Variants in CSPP1 observed in about 807,000 individuals in gnomAD.
The protein encoded by CSPP1 is centrosome and spindle pole-associated protein 1.
A neutral mutation model predicts 164.4 loss-of-function variants in CSPP1; 126 were observed. The observed-to-expected ratio is 0.77, with a 90% confidence interval of 0.66 to 0.89. CSPP1 has a LOEUF of 0.89. CSPP1 is among the 40% of genes least tolerant of loss of function. CSPP1 has a pLI of 0.00. For synonymous variants in CSPP1, 472 were observed against 476.7 expected (o/e 0.99, Z 0.13); for missense variants, 1,395 against 1,449.8 (o/e 0.96, Z 0.61).
chr8:67,110,277 C>T (rs1468093749), intron 9 of CSPP1, among the ~76,000 whole-genome samples: 2 of 151,724 alleles, frequency 1.3e-5, no homozygotes, highest in Non-Finnish European at 2.9e-5. Flanking sequence ...CTTTCCTTCT[C>T]CCTCACTAAA....
intron 10 of CSPP1, among the ~76,000 whole-genome samples, chr8:67,112,609 C>T (rs112972265): frequency 0.024 from 3,625 of 152,238 alleles, 163 homozygotes; most frequent in African/African-American, 0.082. Context: ...GAGGCCCCCT[C>T]CTTCTTTCTA....
chr8:67,145,030 T>C (rs1265859013), intron 17 of CSPP1, among the ~76,000 whole-genome samples: 3 of 146,188 alleles, frequency 2.1e-5, no homozygotes, highest in Non-Finnish European at 4.5e-5. Context: ...CAAGATTGCG[T>C]CACTGCCAGA....
intron 3 of CSPP1, among the ~76,000 whole-genome samples, chr8:67,078,604 G>A (rs543788568): frequency 1.3e-4 from 20 of 151,998 alleles, no homozygotes; most frequent in Non-Finnish European, 2.6e-4. Context: ...CAAGCCATCC[G>A]CCTGCCTCGG....
At chr8:67,071,022 G>A (rs917740630) in intron 1 of CSPP1, among the ~76,000 whole-genome samples, 40 of 152,142 alleles carry the variant, frequency 2.6e-4, no homozygotes, top group African/African-American at 9.4e-4. Context: ...CAGAGTGCTG[G>A]GATTACAAGT....
chr8:67,123,794 G>C (rs1368412163), intron 15 of CSPP1, among the ~76,000 whole-genome samples: 1 of 151,342 alleles, frequency 6.6e-6, no homozygotes, highest in East Asian at 1.9e-4. Context: ...TGTATTTTTT[G>C]TAGAGATAGG....
intron 30 of CSPP1, 133 bp downstream of exon 30, chr8:67,193,735 CAT>C (rs1354703074): frequency 1.5e-6 from 1 of 661,834 alleles, no homozygotes; most frequent in African/African-American, 1.8e-5. Flanking sequence ...TGGCCCAAGA[CAT>C]AGTAACTATT....
chr8:67,193,010 G>A (rs1204398986), intron 29 of CSPP1, among the ~76,000 whole-genome samples: 1 of 152,194 alleles, frequency 6.6e-6, no homozygotes, highest in Non-Finnish European at 1.5e-5. Context: ...AGAGTCATCT[G>A]AGCTTGCATG....
rs1490367418 is a variant in CSPP1 at position 67,089,896 on chromosome 8, C to T, written c.304-1907C>T. Among the ~76,000 whole-genome samples the T allele has an allele frequency of 2.6e-5, 4 of 151,600 alleles. No homozygotes were observed. In the East Asian group the frequency reaches 5.8e-4, roughly 22 times the overall value. On this transcript the variant is annotated intron_variant, in intron 4 of 30. Transcript: ENST00000678616. ...CTTGAACTCTTGGGCTCAAGTGTCCCTCCTGCCTTGGCCTCCCAAAGTGCT... is the reference window on the plus strand; with the variant it reads ...CTTGAACTCTTGGGCTCAAGTGTCCTTCCTGCCTTGGCCTCCCAAAGTGCT...
intron 17 of CSPP1, among the ~76,000 whole-genome samples, chr8:67,145,609 C>T (rs889801424): frequency 1.3e-5 from 2 of 151,640 alleles, no homozygotes; most frequent in Admixed American, 1.3e-4. Flanking sequence ...CTGCAACCTC[C>T]GCCTCCCGGG....
chr8:67,168,409 C>T (rs1281118956), intron 24 of CSPP1, among the ~76,000 whole-genome samples: 3 of 152,072 alleles, frequency 2.0e-5, no homozygotes, highest in Non-Finnish European at 4.4e-5. Context: ...ATTCTTTTGG[C>T]AAGCCAATAT....
intron 28 of CSPP1, among the ~76,000 whole-genome samples, chr8:67,189,574 TATCA>T (rs1296278471): frequency 2.6e-5 from 4 of 152,238 alleles, no homozygotes; most frequent in African/African-American, 9.6e-5. Flanking sequence ...AAAATCTGAA[TATCA>T]ATTATATGTT....
chr8:67,078,974 T>TA (rs539954750), intron 3 of CSPP1, among the ~76,000 whole-genome samples: 32 of 150,556 alleles, frequency 2.1e-4, no homozygotes, highest in African/African-American at 6.6e-4. Flanking sequence ...TCCATCTCAA[T>TA]AAAAAAAAAG....
chr8:67,190,881 A>C, intron 29 of CSPP1, 122 bp downstream of exon 29: 1 of 701,808 alleles, frequency 1.4e-6, no homozygotes, highest in Non-Finnish European at 2.5e-6. Context: ...CATGGGTCTG[A>C]ATCTAGGCTC....
At chr8:67,168,923 G>A (rs1829993736) in intron 24 of CSPP1, among the ~76,000 whole-genome samples, 1 of 152,170 alleles carries the variant, frequency 6.6e-6, no homozygotes, top group Non-Finnish European at 1.5e-5. Context: ...TTGCATTATA[G>A]TAAATCTCCA....
At chr8:67,130,834 G>A (rs1223951723) in intron 15 of CSPP1, among the ~76,000 whole-genome samples, 1 of 151,636 alleles carries the variant, frequency 6.6e-6, no homozygotes, top group East Asian at 2.0e-4. Context: ...CTAAAAATAC[G>A]AAAATTAGCC....
chr8:67,146,122 CTTTT>C (rs939978795), intron 17 of CSPP1, among the ~76,000 whole-genome samples: 4 of 125,128 alleles, frequency 3.2e-5, no homozygotes, highest in Admixed American at 8.1e-5. Flanking sequence ...ATATACTTTT[CTTTT>C]TTTTTTTTTT....
In CSPP1 at chr8:67,175,432, C is replaced by T. The variant is rs778067206; in HGVS notation, c.3105C>T (p.Ala1035=). ...ACAGAATAAAAATGCAGGAAGGTGCCAAAGGTAAGAAATAATCATTGCTGT... is the reference window on the plus strand; with the variant it reads ...ACAGAATAAAAATGCAGGAAGGTGCTAAAGGTAAGAAATAATCATTGCTGT... ...RLNRIKMQEG[A]KVDLDAIPSA... is the part of the protein sequence containing the mutation. Residue 1035 remains alanine (A), a synonymous_variant, in exon 26 of 31, where the codon GCC becomes GCT. Coordinates refer to ENST00000678616, the MANE Select transcript of CSPP1 (RefSeq NM_001382391.1). The T allele has an allele frequency of 1.2e-6, 2 of 1,614,084 alleles. No homozygotes were observed. Among genetic ancestry groups the T allele is most frequent in the Admixed American group, 3.3e-5 (2 of 60,014 alleles).
intron 28 of CSPP1, among the ~76,000 whole-genome samples, chr8:67,184,073 G>A (rs1367669390): frequency 2.0e-5 from 3 of 151,964 alleles, no homozygotes; most frequent in Non-Finnish European, 4.4e-5. Context: ...GGCTGGTCTC[G>A]AACTCCTGAC....
rs143176959 is a variant in CSPP1, at chr8:67,098,650, A to C, written c.923+2918A>C. ...TTTATCATGTTTTAGGAGCTTTCTA[A>C]AGTAGAATGTAATAGCATGTCTTAA... is the stretch of plus-strand genomic sequence containing the variant. On this transcript the variant is annotated intron_variant, in intron 7 of 30. Coordinates refer to ENST00000678616, the MANE Select transcript of CSPP1 (RefSeq NM_001382391.1). 4.6e-5 allele frequency among the ~76,000 whole-genome samples: 7 copies of C among 152,104 alleles called. No individual in the cohort carries two copies. The East Asian group carries it at 1.3e-3, about 29-fold the overall frequency.
Sources: allele counts gnomAD v4.1 joint callset (sites outside exome capture counted in the v4.1 genomes callset), GRCh38; gene constraint gnomAD v4.1.1; transcripts MANE v1.5; gene names NCBI Gene and HGNC (gene_info 2026-07-23, HGNC 2026-07-21).